Variants in LRGUK observed in about 807,000 individuals in gnomAD.
LRGUK encodes leucine-rich repeat and guanylate kinase domain-containing protein.
In LRGUK, 65 loss-of-function variants were observed where a neutral mutation model predicts 76.0. That is an observed-to-expected ratio of 0.85 (90% CI 0.70 to 1.05). The LOEUF (loss-of-function observed/expected upper bound fraction) is 1.05, where lower values mean the gene tolerates loss of function less well. Ranked by LOEUF, LRGUK falls within the 50% of genes least tolerant of loss-of-function variation. LRGUK has a pLI of 0.00. For synonymous variants in LRGUK, 268 were observed against 265.6 expected (o/e 1.01, Z -0.09); for missense variants, 758 against 732.8 (o/e 1.03, Z -0.40).
exon 20 of LRGUK, chr7:134,264,348 A>T (rs907475956): frequency 6.1e-6 from 1 of 163,028 alleles, no homozygotes; most frequent in African/African-American, 2.4e-5. Context: ...TGATATGCAG[A>T]GTGGCTTTCT....
intron 10 of LRGUK, among the ~76,000 whole-genome samples, chr7:134,180,657 CAAAATGATTCCTG>C (rs958499547): frequency 6.3e-4 from 96 of 152,204 alleles, no homozygotes; most frequent in African/African-American, 2.3e-3. Flanking sequence ...ATACTACCAC[CAAAATGATTCCTG>C]AAAACATTAA....
At chr7:134,148,116 T>C in intron 4 of LRGUK, 122 bp from the exon 5 acceptor site, 1 of 639,806 alleles carries the variant, frequency 1.6e-6, no homozygotes, top group Non-Finnish European at 2.7e-6. Flanking sequence ...CCTTAGTGTG[T>C]ACTTTCAGTA....
chr7:134,177,474 G>T (rs1041757139), intron 9 of LRGUK, among the ~76,000 whole-genome samples: 4 of 151,954 alleles, frequency 2.6e-5, no homozygotes, highest in African/African-American at 9.7e-5. Context: ...ATAATCAAAA[G>T]GTACTCAAAT....
At chr7:134,260,313 A>G (rs1365589283) in intron 19 of LRGUK, among the ~76,000 whole-genome samples, 2 of 152,178 alleles carry the variant, frequency 1.3e-5, no homozygotes, top group Non-Finnish European at 2.9e-5. Context: ...TTGTGCTTGT[A>G]AATTTGTATA....
intron 15 of LRGUK, among the ~76,000 whole-genome samples, chr7:134,207,047 A>G (rs1801038045): frequency 6.6e-6 from 1 of 152,238 alleles, no homozygotes; most frequent in African/African-American, 2.4e-5. Context: ...ACATCCTTAT[A>G]TATCTGATTA....
intron 4 of LRGUK, among the ~76,000 whole-genome samples, chr7:134,144,219 A>G (rs145597497): frequency 0.016 from 2,472 of 152,060 alleles, 235 homozygotes; most frequent in Admixed American, 0.15. Flanking sequence ...TCTCACCGCA[A>G]CCTCCGACTC....
At chr7:134,135,658 ATG>A (rs1242865435) in intron 1 of LRGUK, among the ~76,000 whole-genome samples, 3 of 152,148 alleles carry the variant, frequency 2.0e-5, no homozygotes, top group African/African-American at 7.2e-5. Flanking sequence ...TTCTGAAGCC[ATG>A]TGCTGCCTCC....
intron 16 of LRGUK, among the ~76,000 whole-genome samples, chr7:134,242,516 C>T (rs1306555737): frequency 1.3e-5 from 2 of 152,138 alleles, no homozygotes; most frequent in Admixed American, 1.3e-4. Context: ...GAAGCTGAAT[C>T]CCTGAATAGA....
At chr7:134,220,098 C>T (rs1413676087) in intron 15 of LRGUK, among the ~76,000 whole-genome samples, 13 of 152,174 alleles carry the variant, frequency 8.5e-5, no homozygotes, top group Non-Finnish European at 1.5e-5. Context: ...GTAGCAGGTG[C>T]TCAATAAATA....
intron 18 of LRGUK, among the ~76,000 whole-genome samples, chr7:134,257,577 C>T (rs747539316): frequency 2.0e-5 from 3 of 152,066 alleles, no homozygotes; most frequent in Admixed American, 1.3e-4. Flanking sequence ...AGGCCGAGGC[C>T]GGCTGATCAC....
At chr7:134,196,916 C>T in intron 12 of LRGUK, 76 bp from the exon 13 acceptor site, 1 of 751,172 alleles carries the variant, frequency 1.3e-6, no homozygotes, top group Middle Eastern at 2.5e-4. Flanking sequence ...TAGAATAAGA[C>T]ATCAAATGAT....
exon 20 of LRGUK, chr7:134,264,242 C>A (rs1271188571): frequency 6.5e-6 from 2 of 309,644 alleles, no homozygotes; most frequent in Non-Finnish European, 1.2e-5. Flanking sequence ...TTAAAAATGT[C>A]ATTTCATTTT....
chr7:134,236,620 A>G (rs879718410), intron 16 of LRGUK, among the ~76,000 whole-genome samples: 8 of 151,998 alleles, frequency 5.3e-5, no homozygotes, highest in Non-Finnish European at 1.0e-4. Flanking sequence ...AGTGGTATTT[A>G]TTTTTCATTA....
chr7:134,231,713 G>A (rs1386460357), intron 16 of LRGUK, among the ~76,000 whole-genome samples: 14 of 16,648 alleles, frequency 8.4e-4, no homozygotes, highest in Admixed American at 1.9e-3. Flanking sequence ...CCTTCCTCCC[G>A]TTCTCCCTCT....
chr7:134,182,158 T>C (rs573598369), intron 10 of LRGUK, among the ~76,000 whole-genome samples: 1 of 152,194 alleles, frequency 6.6e-6, no homozygotes, highest in Non-Finnish European at 1.5e-5. Context: ...TGGAAATGCA[T>C]TCGAGTTGTT....
downstream of LRGUK, among the ~76,000 whole-genome samples, chr7:134,269,026 C>T (rs548707307): frequency 1.5e-4 from 23 of 151,876 alleles, no homozygotes; most frequent in Middle Eastern, 3.4e-3. Context: ...CCACCACACC[C>T]GGCTGCAAAA....
chr7:134,241,651 C>G (rs973124820), intron 16 of LRGUK, among the ~76,000 whole-genome samples: 2 of 152,120 alleles, frequency 1.3e-5, no homozygotes, highest in African/African-American at 2.4e-5. Flanking sequence ...ATCAATGAGA[C>G]AGAAAGTTAA....
chr7:134,191,022 A>G (rs1461371575), intron 11 of LRGUK, among the ~76,000 whole-genome samples: 1 of 85,856 alleles, frequency 1.2e-5, no homozygotes, highest in Middle Eastern at 5.5e-3. Flanking sequence ...TCCATTCAGC[A>G]TTGGCACCAT....
rs148384235 is a variant in LRGUK, at chr7:134,263,885, C to G, written c.2388C>G (p.His796Gln). 1,071 of 1,612,118 alleles carry G rather than the reference C, an allele frequency of 6.6e-4. 10 individuals carry two copies. In the South Asian group the frequency reaches 9.6e-3, roughly 15 times the overall value. The change falls in exon 20 of 20, where the codon CAC (histidine) becomes CAG (glutamine). Residue 796 changes from histidine to glutamine, a missense_variant. By Grantham distance (24) the His-to-Gln change is conservative. Transcript: ENST00000285928. ...CATTTTCACATGAAAAAGAGTCTCA[C>G]CAACACAGACAACACTCGGTCCCAG...
Sources: allele counts gnomAD v4.1 joint callset (sites outside exome capture counted in the v4.1 genomes callset), GRCh38; gene constraint gnomAD v4.1.1; transcripts MANE v1.5; gene names NCBI Gene and HGNC (gene_info 2026-07-23, HGNC 2026-07-21).